Variants in MAJIN observed in about 807,000 individuals in gnomAD.
MAJIN encodes the protein membrane-anchored junction protein.
Under a neutral mutation model 30.2 loss-of-function variants are expected in MAJIN, and 27 were observed. That is an observed-to-expected ratio of 0.89 (90% confidence interval 0.66 to 1.23). The LOEUF (loss-of-function observed/expected upper bound fraction) is 1.23, where lower values mean the gene tolerates loss of function less well. Among genes scored for constraint, MAJIN ranks in the 50% most tolerant of loss-of-function variants. MAJIN has a pLI of 0.00. For missense variants in MAJIN, 253 were observed against 260.3 expected, an observed-to-expected ratio of 0.97 and a Z score of 0.19; for synonymous variants, 78 against 91.6, an observed-to-expected ratio of 0.85 and a Z score of 0.85.
rs1179607088 is a variant in MAJIN at position 64,948,602 on chromosome 11, C to CATTCATATATATATATATAT, written c.350-784_350-783insATATATATATATATATGAAT. Among the ~76,000 whole-genome samples the CATTCATATATATATATATAT allele has an allele frequency of 2.8e-3, 54 of 19,416 alleles. 11 individuals carry two copies. The highest frequency in any genetic ancestry group is 4.1e-3 in the South Asian group (1 of 244). 12.7% of individuals were successfully genotyped at this position (19,416 alleles called of 152,430 possible). A position where few individuals can be genotyped will look rare whatever the true frequency, so the allele number is the denominator to read the frequency against. On this transcript the variant is annotated intron_variant, in intron 6 of 10. Transcript: ENST00000301896. ...GCACCACCACCATGTCGGGCTACAT[C>CATTCATATATATATATATAT]ATATATATATATATATATATATATA...
intron 6 of MAJIN, among the ~76,000 whole-genome samples, chr11:64,948,640 T>TATATATATA (rs869204077): frequency 9.3e-4 from 7 of 7,544 alleles, no homozygotes; most frequent in African/African-American, 1.9e-3. Flanking sequence ...TATATATATA[T>TATATATATA]TTTTTTTTTT....
At chr11:64,946,160 T>TG (rs1337481624) in intron 8 of MAJIN, 14 of 1,533,496 alleles carry the variant, frequency 9.1e-6, no homozygotes, top group Admixed American at 2.0e-5. Flanking sequence ...GGCCCTGAGG[T>TG]GGGGGGAAAA....
Position 64,944,721 on chromosome 11 carries a change from T to A in MAJIN, c.473+2653A>T, listed in dbSNP as rs1227176335. 3.3e-5 allele frequency among the ~76,000 whole-genome samples: 5 copies of A among 152,274 alleles called. No homozygotes were observed. In the South Asian group the frequency reaches 1.0e-3, roughly 32 times the overall value. ...TAAATGTTTACTCGATAACTGCTCA[T>A]GTTATGAGTCCTGGGAAGGTGAAGA... On this transcript the variant is annotated intron_variant, in intron 8 of 10. Transcript: ENST00000301896.
At position 64,949,600 on chromosome 11, in the gene MAJIN, C is replaced by T. The variant is rs572199893; in HGVS notation, c.349+143G>A. 79 of 995,048 alleles carry T rather than the reference C, an allele frequency of 7.9e-5. No individual in the cohort carries two copies. In the South Asian group the frequency reaches 1.1e-3, roughly 14 times the overall value. The allele number at this position is 995,048 out of a possible 1,614,324, so 61.6% of individuals were successfully genotyped here. A position where few individuals can be genotyped will look rare whatever the true frequency, so the allele number is the denominator to read the frequency against. On this transcript the variant is annotated intron_variant, in intron 6 of 10. Coordinates refer to ENST00000301896, the MANE Select transcript of MAJIN (RefSeq NM_001037225.3). ...GTGGCAGGACCACCAGTATTTGAAC[C>T]GGTCAGTCTGGCCTGGAGCACATGA...
At chr11:64,938,993 G>A (rs1945330757) in intron 10 of MAJIN, among the ~76,000 whole-genome samples, 3 of 152,168 alleles carry the variant, frequency 2.0e-5, no homozygotes, top group South Asian at 2.1e-4. Context: ...GCAATGGCAC[G>A]ATCTCAGCTC....
At chr11:64,957,009 C>T (rs912864620) in intron 3 of MAJIN, among the ~76,000 whole-genome samples, 4 of 151,962 alleles carry the variant, frequency 2.6e-5, no homozygotes, top group Non-Finnish European at 4.4e-5. Context: ...TCAGAAGATC[C>T]GCCTGCCTCG....
At chr11:64,939,470 G>A (rs1016462202) in intron 10 of MAJIN, among the ~76,000 whole-genome samples, 192 bp downstream of exon 10, 2 of 152,230 alleles carry the variant, frequency 1.3e-5, no homozygotes, top group South Asian at 4.1e-4. Context: ...GTAAAAATAA[G>A]TAAAACACAG....
chr11:64,947,645 A>T (rs1945471467), intron 7 of MAJIN, 143 bp downstream of exon 7: 1 of 1,044,348 alleles, frequency 9.6e-7, no homozygotes, highest in South Asian at 1.4e-5. Flanking sequence ...CCAAGGGGGA[A>T]AATATGGTCT....
At position 64,954,790 on chromosome 11, in the gene MAJIN, T is replaced by C; in HGVS notation, c.114A>G (p.Ile38Met). 6.2e-7 allele frequency: 1 copy of C among 1,612,580 alleles called. No individual in the cohort carries two copies. Among genetic ancestry groups the C allele is most frequent in the East Asian group, 2.2e-5 (1 of 44,878 alleles). ...RYGKSIRGEE[I>M]ENKEVITQEL... ...CCTGGGTGATGACTTCCTTATTTTC[T>C]ATCTCTTCTCCTCTAGAAGGTAAAC... The change falls in exon 4 of 11, where the codon ATA (isoleucine) becomes ATG (methionine). Residue 38 changes from isoleucine to methionine, a missense_variant. Ile to Met is a conservative substitution (Grantham distance 10). Coordinates refer to ENST00000301896, the MANE Select transcript of MAJIN (RefSeq NM_001037225.3).
At chr11:64,958,132 G>A (rs1240155723) in intron 3 of MAJIN, among the ~76,000 whole-genome samples, 4 of 150,954 alleles carry the variant, frequency 2.6e-5, no homozygotes, top group South Asian at 2.1e-4. Flanking sequence ...TGGTAGAGAC[G>A]GGGTTTCACC....
intron 1 of MAJIN, among the ~76,000 whole-genome samples, chr11:64,965,771 AC>A (rs1945797137): frequency 1.3e-5 from 2 of 152,050 alleles, no homozygotes; most frequent in Admixed American, 1.3e-4. Flanking sequence ...CCTGGCTAAC[AC>A]GGTGAAACCC....
chr11:64,944,673 A>C (rs1378428747), intron 8 of MAJIN, among the ~76,000 whole-genome samples: 5 of 152,148 alleles, frequency 3.3e-5, no homozygotes, highest in African/African-American at 1.2e-4. Flanking sequence ...ATGAAAAAAA[A>C]ATTTGTTGAA....
chr11:64,947,364 C>A lies in MAJIN; in HGVS notation c.473+10G>T. On this transcript the variant is annotated intron_variant, in intron 8 of 10. Transcript: ENST00000301896. Reference sequence around the variant, plus strand: ...ACGCAGGAGCGAGCCTCTCTCCCCACACCACTGACCTGTCCAGCCCTGGCC... The same window carrying A: ...ACGCAGGAGCGAGCCTCTCTCCCCAAACCACTGACCTGTCCAGCCCTGGCC... The A allele has an allele frequency of 6.2e-7, 1 of 1,606,842 alleles. No individual in the cohort carries two copies. Among genetic ancestry groups the A allele is most frequent in the Non-Finnish European group, 8.5e-7 (1 of 1,177,782 alleles).
At chr11:64,949,365 C>T (rs979702735) in intron 6 of MAJIN, among the ~76,000 whole-genome samples, 9 of 151,936 alleles carry the variant, frequency 5.9e-5, no homozygotes, top group Non-Finnish European at 1.3e-4. Flanking sequence ...TTTAAGATAG[C>T]TCTAAAGTGA....
At chr11:64,958,636 G>C (rs1173303990) in intron 3 of MAJIN, among the ~76,000 whole-genome samples, 2 of 151,056 alleles carry the variant, frequency 1.3e-5, no homozygotes, top group East Asian at 1.9e-4. Flanking sequence ...AATTGCAAGG[G>C]AGTCGAGATG....
At position 64,947,469 on chromosome 11, in the gene MAJIN, C is replaced by G; in HGVS notation, c.382-4G>C. 6.2e-7 allele frequency: 1 copy of G among 1,612,300 alleles called. No individual in the cohort carries two copies. Among genetic ancestry groups the G allele is most frequent in the Non-Finnish European group, 8.5e-7 (1 of 1,178,696 alleles). ...CTGCTTTCTTCTCAACTGGGACCTT[C>G]AGGAGGAAGCAGATGCCTGTGACTC... is the stretch of plus-strand genomic sequence containing the variant. On this transcript the variant is annotated splice_polypyrimidine_tract_variant and splice_region_variant and intron_variant, in intron 7 of 10. Transcript: ENST00000301896.
At chr11:64,943,704 G>C (rs1945409932) in intron 8 of MAJIN, among the ~76,000 whole-genome samples, 1 of 152,190 alleles carries the variant, frequency 6.6e-6, no homozygotes, top group Non-Finnish European at 1.5e-5. Flanking sequence ...AGGTTGAAAA[G>C]GTAATTATGT....
At chr11:64,965,656 C>T (rs1216720492) in intron 1 of MAJIN, among the ~76,000 whole-genome samples, 2 of 152,062 alleles carry the variant, frequency 1.3e-5, no homozygotes, top group African/African-American at 4.8e-5. Context: ...TAACCTGTCC[C>T]TTAGAATTCA....
intron 6 of MAJIN, among the ~76,000 whole-genome samples, chr11:64,949,130 C>T (rs917079062): frequency 3.5e-5 from 5 of 142,862 alleles, no homozygotes; most frequent in Non-Finnish European, 7.6e-5. Context: ...TGAGACCCAA[C>T]GGTGCAATAT....
Sources: gnomAD v4.1 joint callset for allele counts (sites outside exome capture counted in the v4.1 genomes callset) on GRCh38, gnomAD v4.1.1 for gene constraint, MANE v1.5 for transcripts, NCBI Gene and HGNC (gene_info 2026-07-23, HGNC 2026-07-21) for gene names.